The following SUFU variants were observed in gnomAD, a reference collection of about 807,000 sequenced individuals.
SUFU encodes SUFU negative regulator of hedgehog signaling.
A neutral mutation model predicts 58.9 loss-of-function variants in SUFU; 7 were observed. That is an observed-to-expected ratio of 0.12 (90% CI 0.07 to 0.22). The LOEUF (loss-of-function observed/expected upper bound fraction) is 0.22, where lower values mean the gene tolerates loss of function less well. Ranked by LOEUF, SUFU falls within the 10% of genes least tolerant of loss-of-function variation. The pLI, the probability that SUFU is intolerant of heterozygous loss-of-function variation, is 1.00. For missense variants in SUFU, 451 were observed against 641.3 expected (o/e 0.70, Z 3.20); for synonymous variants, 232 against 254.8 (o/e 0.91, Z 0.85).
At chr10:102,593,746 C>T (rs371383208) in intron 5 of SUFU, 25 bp downstream of exon 5, 4 of 1,610,944 alleles carry the variant, frequency 2.5e-6, no homozygotes, top group East Asian at 2.2e-5. Flanking sequence ...AAGGTGGGAG[C>T]GCGGCTCCCT....
At position 102,551,542 on chromosome 10, in the gene SUFU, G is replaced by T. The variant is rs376984731; in HGVS notation, c.454+1436G>T. On this transcript the variant is annotated intron_variant, in intron 3 of 11. Transcript: ENST00000369902. The stretch of plus-strand genomic sequence containing the variant: ...AATCCCAGCTACTCGGGAGGCTGAG[G>T]CAGGAGAATCGCTTGAACGCGGGAG... Among the ~76,000 whole-genome samples the T allele has an allele frequency of 4.6e-5, 7 of 151,758 alleles. No individual in the cohort carries two copies. In the South Asian group the frequency reaches 1.0e-3, roughly 23 times the overall value.
chr10:102,586,873 C>T (rs1198693458), intron 3 of SUFU, among the ~76,000 whole-genome samples: 5 of 152,204 alleles, frequency 3.3e-5, no homozygotes, highest in African/African-American at 1.2e-4. Flanking sequence ...CGCTTCTCCC[C>T]CAGCCTCTGA....
chr10:102,515,061 G>A (rs7094751), intron 2 of SUFU, among the ~76,000 whole-genome samples: 53,332 of 152,020 alleles, frequency 0.35, 9,514 homozygotes, highest in African/African-American at 0.39. Flanking sequence ...CATGTCCAGT[G>A]GAGTTTGGAG....
At chr10:102,535,049 A>G (rs769285257) in intron 2 of SUFU, among the ~76,000 whole-genome samples, 2 of 152,138 alleles carry the variant, frequency 1.3e-5, no homozygotes, top group Non-Finnish European at 2.9e-5. Context: ...GGGAATAGCT[A>G]GCCCAGTAAG....
At chr10:102,523,456 T>C (rs1429680476) in intron 2 of SUFU, among the ~76,000 whole-genome samples, 1 of 152,146 alleles carries the variant, frequency 6.6e-6, no homozygotes, top group African/African-American at 2.4e-5. Context: ...AGGCTACCAG[T>C]CCCAGGGGGG....
intron 10 of SUFU, chr10:102,618,061 T>C (rs190320441): frequency 1.7e-3 from 266 of 157,088 alleles, no homozygotes; most frequent in Non-Finnish European, 3.1e-3. Context: ...CTCAGAGCCA[T>C]AGGCCTCCTT....
chr10:102,535,611 G>A (rs1334856081), intron 2 of SUFU, among the ~76,000 whole-genome samples: 1 of 152,116 alleles, frequency 6.6e-6, no homozygotes, highest in African/African-American at 2.4e-5. Flanking sequence ...ATGTGTTTCC[G>A]GAGGCACATG....
chr10:102,620,477 G>A (rs537010940), intron 10 of SUFU, among the ~76,000 whole-genome samples: 1 of 152,330 alleles, frequency 6.6e-6, no homozygotes, highest in Admixed American at 6.5e-5. Flanking sequence ...CTTGTCTGCA[G>A]CACCAGGTGG....
At chr10:102,570,732 G>A (rs1403717452) in intron 3 of SUFU, among the ~76,000 whole-genome samples, 2 of 152,140 alleles carry the variant, frequency 1.3e-5, no homozygotes, top group Admixed American at 6.5e-5. Context: ...ACTAAGGCAG[G>A]AAGAAGGGAG....
At chr10:102,572,909 G>T in intron 3 of SUFU, 2 of 866,972 alleles carry the variant, frequency 2.3e-6, no homozygotes, top group Non-Finnish European at 3.9e-6. Context: ...TTGATCTGGT[G>T]CTTGTTGGCT....
In SUFU at chr10:102,593,937, C is replaced by T. The variant is rs1564697361; in HGVS notation, c.684-56C>T. 3.1e-6 allele frequency: 5 copies of T among 1,591,858 alleles called. No homozygotes were observed. In the African/African-American group the frequency reaches 6.7e-5, roughly 21 times the overall value. ...CAGCAAACAGGGCAGGCTGTAGGCCCAGCCCATCAGCCCCAGACCCTCAGT... is the reference window on the plus strand; with the variant it reads ...CAGCAAACAGGGCAGGCTGTAGGCCTAGCCCATCAGCCCCAGACCCTCAGT... On this transcript the variant is annotated intron_variant, in intron 5 of 11. Coordinates refer to ENST00000369902, the MANE Select transcript of SUFU (RefSeq NM_016169.4).
At chr10:102,512,237 C>T (rs1439012250) in intron 2 of SUFU, among the ~76,000 whole-genome samples, 1 of 152,100 alleles carries the variant, frequency 6.6e-6, no homozygotes, top group Non-Finnish European at 1.5e-5. Context: ...TGAATGGGGA[C>T]CCAGCATTAC....
intron 8 of SUFU, among the ~76,000 whole-genome samples, chr10:102,610,090 T>G (rs1212364325): frequency 6.6e-6 from 1 of 152,088 alleles, no homozygotes; most frequent in Non-Finnish European, 1.5e-5. Flanking sequence ...TAGAAATGCC[T>G]ACCTGGCTGG....
At chr10:102,527,381 G>A (rs1241123713) in intron 2 of SUFU, among the ~76,000 whole-genome samples, 5 of 152,190 alleles carry the variant, frequency 3.3e-5, no homozygotes, top group South Asian at 2.1e-4. Flanking sequence ...GTTTTAGGAA[G>A]CATTCCAGTG....
intron 3 of SUFU, among the ~76,000 whole-genome samples, chr10:102,553,621 G>A (rs1006122483): frequency 1.1e-4 from 17 of 152,116 alleles, no homozygotes; most frequent in Non-Finnish European, 1.6e-4. Context: ...CCGCCACCGC[G>A]CCCAGCTAAT....
At chr10:102,605,830 A>G (rs758940302) in intron 8 of SUFU, among the ~76,000 whole-genome samples, 2 of 152,194 alleles carry the variant, frequency 1.3e-5, no homozygotes, top group African/African-American at 4.8e-5. Context: ...CAGCAGGCCA[A>G]ATCCACTTCA....
chr10:102,546,776 G>A (rs185876911), intron 2 of SUFU, among the ~76,000 whole-genome samples: 7 of 152,354 alleles, frequency 4.6e-5, no homozygotes, highest in Admixed American at 2.0e-4. Context: ...TTTAGAGGTT[G>A]CGTCCAGCCA....
intron 3 of SUFU, among the ~76,000 whole-genome samples, chr10:102,585,218 A>G (rs1251564185): frequency 2.0e-5 from 3 of 152,154 alleles, no homozygotes; most frequent in African/African-American, 7.2e-5. Context: ...AGAACCTCAT[A>G]TTGGTCACTC....
At chr10:102,568,897 A>AATATATATATATATATAT (rs1208688793) in intron 3 of SUFU, among the ~76,000 whole-genome samples, 2 of 17,028 alleles carry the variant, frequency 1.2e-4, no homozygotes, top group Non-Finnish European at 1.9e-4. Context: ...AAAAAAAAAA[A>AATATATATATATATATAT]ATATATATAT....
Sources: allele counts gnomAD v4.1 joint callset (sites outside exome capture counted in the v4.1 genomes callset), GRCh38; gene constraint gnomAD v4.1.1; transcripts MANE v1.5; gene names NCBI Gene and HGNC (gene_info 2026-07-23, HGNC 2026-07-21).